UBQLN1: variants seen among roughly 807,000 people sequenced by gnomAD.
UBQLN1 encodes ubiquilin-1.
In UBQLN1, 13 loss-of-function variants were observed where a neutral mutation model predicts 65.4. That is an observed-to-expected ratio of 0.20 (90% CI 0.13 to 0.32). UBQLN1 has a LOEUF of 0.32. Ranked by LOEUF, UBQLN1 falls within the 10% of genes least tolerant of loss-of-function variation. The pLI, the probability that UBQLN1 is intolerant of heterozygous loss-of-function variation, is 1.00. For missense variants in UBQLN1, 561 were observed against 724.0 expected, an observed-to-expected ratio of 0.77 and a Z score of 2.58; for synonymous variants, 267 against 247.8, an observed-to-expected ratio of 1.08 and a Z score of -0.73.
At chr9:83,674,790 C>G (rs112732203) in intron 6 of UBQLN1, among the ~76,000 whole-genome samples, 2 of 152,038 alleles carry the variant, frequency 1.3e-5, no homozygotes, top group African/African-American at 4.8e-5. Flanking sequence ...CTGAAGTGAC[C>G]GGAAAATTAC....
In UBQLN1 at chr9:83,707,685, T is replaced by TGGCGGCGGC; in HGVS notation, c.-15_-7dup. ...CTTTCACCACTCTCGGCCATGGCTG[T>TGGCGGCGGC]GGCGGCGGCGGCGGCGGTGACTCAG... On this transcript the variant is annotated 5_prime_UTR_variant, in exon 1 of 11. Coordinates refer to ENST00000376395, the MANE Select transcript of UBQLN1 (RefSeq NM_013438.5). The TGGCGGCGGC allele has an allele frequency of 6.5e-7, 1 of 1,531,332 alleles. No homozygotes were observed. The highest frequency in any genetic ancestry group is 2.2e-5 in the Admixed American group (1 of 46,018). 94.9% of individuals were successfully genotyped at this position (1,531,332 alleles called of 1,614,324 possible). A position where few individuals can be genotyped will look rare whatever the true frequency, so the allele number is the denominator to read the frequency against.
chr9:83,685,893 A>C, intron 2 of UBQLN1, 111 bp downstream of exon 2: 1 of 948,260 alleles, frequency 1.1e-6, no homozygotes, highest in Non-Finnish European at 1.5e-6. Context: ...AAGAATTTTA[A>C]CTATTTAAAT....
intron 9 of UBQLN1, among the ~76,000 whole-genome samples, chr9:83,664,625 G>A (rs1831613394): frequency 6.6e-6 from 1 of 151,842 alleles, no homozygotes. Context: ...AAAAACGGTG[G>A]GGGAGAACCA....
intron 10 of UBQLN1, among the ~76,000 whole-genome samples, chr9:83,663,199 G>GA (rs1831589825): frequency 6.6e-6 from 1 of 151,536 alleles, no homozygotes; most frequent in Non-Finnish European, 1.5e-5. Flanking sequence ...GAAAGGGAAA[G>GA]AAAAAAGAAA....
intron 7 of UBQLN1, chr9:83,668,111 G>T: frequency 3.0e-6 from 3 of 985,276 alleles, no homozygotes; most frequent in Non-Finnish European, 3.6e-6. Context: ...AGTCTGATAA[G>T]TTTCATATGC....
intron 1 of UBQLN1, among the ~76,000 whole-genome samples, chr9:83,687,568 T>C (rs1469689077): frequency 1.3e-5 from 2 of 152,194 alleles, no homozygotes; most frequent in African/African-American, 4.8e-5. Context: ...TTCTTCTGGT[T>C]GTCACGATAA....
intron 1 of UBQLN1, among the ~76,000 whole-genome samples, chr9:83,697,525 C>T (rs984334396): frequency 1.8e-5 from 2 of 111,770 alleles, no homozygotes; most frequent in South Asian, 3.1e-4. Context: ...GCACTCCAGC[C>T]GGGGCAACAG....
At chr9:83,666,686 A>T (rs1398259018) in intron 7 of UBQLN1, 1 of 355,264 alleles carries the variant, frequency 2.8e-6, no homozygotes, top group Admixed American at 4.2e-5. Context: ...ATCCTAAAAA[A>T]TAAAAGCAAT....
intron 1 of UBQLN1, among the ~76,000 whole-genome samples, chr9:83,701,132 G>C (rs1587664816): frequency 6.6e-6 from 1 of 152,204 alleles, no homozygotes; most frequent in African/African-American, 2.4e-5. Context: ...AAAGAGTTTT[G>C]CTTGTTTAGG....
chr9:83,667,457 T>C (rs1338478118), intron 7 of UBQLN1: 3 of 980,640 alleles, frequency 3.1e-6, no homozygotes, highest in Non-Finnish European at 3.6e-6. Flanking sequence ...TCTTGCAAAG[T>C]GATCTTTTAG....
intron 1 of UBQLN1, among the ~76,000 whole-genome samples, chr9:83,686,584 A>G (rs949233256): frequency 6.6e-6 from 1 of 152,142 alleles, no homozygotes; most frequent in African/African-American, 2.4e-5. Context: ...CAATATCCTT[A>G]TTCTTTTTAT....
intron 1 of UBQLN1, among the ~76,000 whole-genome samples, chr9:83,689,732 A>G (rs1012321136): frequency 3.9e-5 from 6 of 152,258 alleles, no homozygotes; most frequent in African/African-American, 1.4e-4. Flanking sequence ...ATACTGGACT[A>G]TCATTAGCAG....
intron 1 of UBQLN1, among the ~76,000 whole-genome samples, chr9:83,705,863 C>T (rs1270830654): frequency 2.8e-5 from 4 of 143,274 alleles, no homozygotes; most frequent in Non-Finnish European, 6.1e-5. Flanking sequence ...GAAAAATACA[C>T]ACAGTACTAT....
At chr9:83,696,338 C>T (rs1251948288) in intron 1 of UBQLN1, among the ~76,000 whole-genome samples, 1 of 152,058 alleles carries the variant, frequency 6.6e-6, no homozygotes, top group African/African-American at 2.4e-5. Context: ...GTAATAATGC[C>T]ATCAGACACT....
At chr9:83,691,635 C>T (rs1832130670) in intron 1 of UBQLN1, among the ~76,000 whole-genome samples, 1 of 152,288 alleles carries the variant, frequency 6.6e-6, no homozygotes, top group Non-Finnish European at 1.5e-5. Flanking sequence ...GTACCTGGCA[C>T]CACACACACA....
rs991702450 is a variant in UBQLN1, at chr9:83,660,502, G to A, written c.*1285C>T. 3.9e-5 allele frequency: 6 copies of A among 152,508 alleles called. No homozygotes were observed. The highest frequency in any genetic ancestry group is 1.4e-4 in the African/African-American group (6 of 41,400). The allele number at this position is 152,508 out of a possible 1,614,324, so 9.4% of individuals were successfully genotyped here. A position where few individuals can be genotyped will look rare whatever the true frequency, so the allele number is the denominator to read the frequency against. ...AATTCTTTGGGGGAGGGAAGAAAAA[G>A]GCTATAAAACAGCCAAATGTACTCA... On this transcript the variant is annotated 3_prime_UTR_variant, in exon 11 of 11. Transcript: ENST00000376395.
intron 1 of UBQLN1, among the ~76,000 whole-genome samples, chr9:83,687,673 T>C (rs1326314964): frequency 6.6e-6 from 1 of 152,236 alleles, no homozygotes; most frequent in Non-Finnish European, 1.5e-5. Context: ...ATAAGCTATA[T>C]ATCATTGTTG....
At chr9:83,669,125 C>T in intron 7 of UBQLN1, 60 bp downstream of exon 7, 1 of 1,553,078 alleles carries the variant, frequency 6.4e-7, no homozygotes, top group Non-Finnish European at 8.6e-7. Context: ...ATCACAATTA[C>T]AAGATTAGGT....
chr9:83,691,987 T>C (rs1248402980), intron 1 of UBQLN1, among the ~76,000 whole-genome samples: 2 of 152,198 alleles, frequency 1.3e-5, no homozygotes, highest in Non-Finnish European at 2.9e-5. Flanking sequence ...ATTTAGATAC[T>C]AGAACCACTT....
Sources: allele counts gnomAD v4.1 joint callset (sites outside exome capture counted in the v4.1 genomes callset), GRCh38; gene constraint gnomAD v4.1.1; transcripts MANE v1.5; gene names NCBI Gene and HGNC (gene_info 2026-07-23, HGNC 2026-07-21).